PLXDC2: variants seen among roughly 807,000 people sequenced by gnomAD.
PLXDC2 encodes plexin domain-containing protein 2.
PLXDC2 carries 40 observed loss-of-function variants against 68.9 expected under a neutral mutation model. That is an observed-to-expected ratio of 0.58 (90% CI 0.45 to 0.76). The LOEUF (loss-of-function observed/expected upper bound fraction) is 0.76. Ranked by LOEUF, PLXDC2 falls within the 30% of genes least tolerant of loss-of-function variation. The pLI is 0.00. For synonymous variants in PLXDC2, 243 were observed against 234.2 expected, an observed-to-expected ratio of 1.04 and a Z score of -0.34; for missense variants, 644 against 661.9, an observed-to-expected ratio of 0.97 and a Z score of 0.30.
intron 7 of PLXDC2, among the ~76,000 whole-genome samples, chr10:20,171,574 A>G (rs1434585556): frequency 1.3e-5 from 2 of 152,196 alleles, no homozygotes; most frequent in Non-Finnish European, 2.9e-5. Flanking sequence ...TTCTAATGTA[A>G]GCTAGTTGAC....
At chr10:20,234,304 C>T (rs2681936) in intron 12 of PLXDC2, among the ~76,000 whole-genome samples, 132,176 of 152,210 alleles carry the variant, frequency 0.87, 57,803 homozygotes, top group Middle Eastern at 0.95. Context: ...AGGACCAGTG[C>T]GCACTCCCTC....
At chr10:20,253,996 G>A (rs1255762480) in intron 13 of PLXDC2, among the ~76,000 whole-genome samples, 2 of 152,230 alleles carry the variant, frequency 1.3e-5, no homozygotes, top group East Asian at 3.9e-4. Flanking sequence ...TCAAGTCCAA[G>A]GTAGAAATAC....
intron 2 of PLXDC2, among the ~76,000 whole-genome samples, chr10:20,032,524 C>A (rs577651645): frequency 7.2e-5 from 11 of 152,144 alleles, no homozygotes; most frequent in African/African-American, 2.6e-4. Context: ...GGAACTTATA[C>A]GAGAAACGGG....
intron 4 of PLXDC2, among the ~76,000 whole-genome samples, chr10:20,079,301 T>A (rs1247851608): frequency 6.6e-6 from 1 of 152,094 alleles, no homozygotes; most frequent in Non-Finnish European, 1.5e-5. Context: ...AAAACTGCAA[T>A]GAGATACCAG....
At position 20,164,580 on chromosome 10, in the gene PLXDC2, A is replaced by C. The variant is rs1041791093; in HGVS notation, c.883+13A>C. 6.3e-7 allele frequency: 1 copy of C among 1,591,484 alleles called. No homozygotes were observed. Among genetic ancestry groups the C allele is most frequent in the Non-Finnish European group, 8.6e-7 (1 of 1,159,876 alleles). On this transcript the variant is annotated intron_variant, in intron 7 of 13. Transcript: ENST00000377252. ...CAACAAATTCCCAGTACGTAGAAGAAGGGCAGTCGCAATGAGTGAGCCTCT... is the reference window on the plus strand; with the variant it reads ...CAACAAATTCCCAGTACGTAGAAGACGGGCAGTCGCAATGAGTGAGCCTCT...
intron 1 of PLXDC2, among the ~76,000 whole-genome samples, chr10:19,954,295 A>G (rs945784960): frequency 6.6e-6 from 1 of 152,028 alleles, no homozygotes; most frequent in African/African-American, 2.4e-5. Context: ...ATCTTTTATT[A>G]TCCTTATGGA....
At chr10:20,032,951 G>A (rs781209429) in intron 2 of PLXDC2, among the ~76,000 whole-genome samples, 11 of 147,608 alleles carry the variant, frequency 7.5e-5, no homozygotes, top group Non-Finnish European at 1.3e-4. Flanking sequence ...GATCCACACT[G>A]CATGTTCTCA....
intron 1 of PLXDC2, among the ~76,000 whole-genome samples, chr10:19,994,812 G>A (rs1246593458): frequency 2.0e-5 from 3 of 151,152 alleles, no homozygotes; most frequent in Non-Finnish European, 4.4e-5. Flanking sequence ...GTGCAATCTC[G>A]GCTCACTGCA....
At chr10:19,885,437 G>A (rs1173701819) in intron 1 of PLXDC2, among the ~76,000 whole-genome samples, 2 of 152,286 alleles carry the variant, frequency 1.3e-5, no homozygotes, top group East Asian at 3.9e-4. Context: ...CCGTGCCTAT[G>A]TCCTGAATGA....
intron 13 of PLXDC2, among the ~76,000 whole-genome samples, chr10:20,260,667 A>G (rs771193441): frequency 5.9e-5 from 9 of 152,312 alleles, no homozygotes. Context: ...GGGAATGAAA[A>G]TACCTCTATG....
intron 4 of PLXDC2, among the ~76,000 whole-genome samples, chr10:20,113,804 TGTG>T (rs752327212): frequency 7.9e-4 from 120 of 152,260 alleles, no homozygotes; most frequent in Admixed American, 1.4e-3. Context: ...TTCTCCTTAA[TGTG>T]GTGCTTATCA....
At chr10:20,237,347 A>T (rs1027014802) in intron 12 of PLXDC2, among the ~76,000 whole-genome samples, 22 of 151,628 alleles carry the variant, frequency 1.5e-4, no homozygotes, top group African/African-American at 2.4e-4. Context: ...TAAGCATTTT[A>T]AAAAAAATAG....
At chr10:20,068,367 A>G in intron 4 of PLXDC2, 128 bp downstream of exon 4, 1 of 828,176 alleles carries the variant, frequency 1.2e-6, no homozygotes, top group South Asian at 2.0e-5. Context: ...ACAAAGTCAT[A>G]GGTATAAATA....
chr10:19,981,972 G>C (rs1318003063), intron 1 of PLXDC2, among the ~76,000 whole-genome samples: 1 of 152,162 alleles, frequency 6.6e-6, no homozygotes. Flanking sequence ...GGTCAGTCCA[G>C]TGAGGCAATG....
At chr10:20,278,649 G>A (rs1218406097) in intron 13 of PLXDC2, among the ~76,000 whole-genome samples, 1 of 151,686 alleles carries the variant, frequency 6.6e-6, no homozygotes, top group Non-Finnish European at 1.5e-5. Context: ...AGAGCTAATA[G>A]TCATCCCTAC....
At chr10:19,953,966 TG>T (rs1212692504) in intron 1 of PLXDC2, among the ~76,000 whole-genome samples, 1 of 152,138 alleles carries the variant, frequency 6.6e-6, no homozygotes, top group African/African-American at 2.4e-5. Context: ...GTGGGCGGGG[TG>T]ATAAAATCGT....
chr10:20,123,834 T>A (rs2131764940), intron 4 of PLXDC2, among the ~76,000 whole-genome samples: 1 of 150,440 alleles, frequency 6.6e-6, no homozygotes, highest in Non-Finnish European at 1.5e-5. Flanking sequence ...GGTGCAGAGA[T>A]ATAAGAGGTT....
chr10:20,149,669 G>A (rs920006215), intron 6 of PLXDC2, among the ~76,000 whole-genome samples: 1 of 152,078 alleles, frequency 6.6e-6, no homozygotes, highest in East Asian at 1.9e-4. Context: ...AGAACATTTG[G>A]TATTTGGTTT....
chr10:20,000,524 C>A (rs1374117561), intron 1 of PLXDC2, among the ~76,000 whole-genome samples: 1 of 151,938 alleles, frequency 6.6e-6, no homozygotes, highest in Non-Finnish European at 1.5e-5. Context: ...AATAAGAGAT[C>A]TTTTACTGTA....
Sources: allele counts gnomAD v4.1 joint callset (sites outside exome capture counted in the v4.1 genomes callset), GRCh38; gene constraint gnomAD v4.1.1; transcripts MANE v1.5; gene names NCBI Gene and HGNC (gene_info 2026-07-23, HGNC 2026-07-21).